Variants in TMEM123 observed in about 807,000 individuals in gnomAD.
TMEM123 encodes the protein transmembrane protein 123.
A neutral mutation model predicts 19.7 loss-of-function variants in TMEM123; 16 were observed. That is an observed-to-expected ratio of 0.81 (90% CI 0.55 to 1.23). The LOEUF is 1.23. Among genes scored for constraint, TMEM123 ranks in the 50% most tolerant of loss-of-function variants. The probability of loss-of-function intolerance (pLI) is 0.00; values close to 1 mark genes in which losing one functional copy is unlikely to be tolerated. For synonymous variants in TMEM123, 118 were observed against 99.4 expected, an observed-to-expected ratio of 1.19 and a Z score of -1.12; for missense variants, 313 against 257.8, an observed-to-expected ratio of 1.21 and a Z score of -1.47.
At chr11:102,404,427 G>A (rs1334115975) in intron 2 of TMEM123, among the ~76,000 whole-genome samples, 1 of 151,876 alleles carries the variant, frequency 6.6e-6, no homozygotes, top group East Asian at 1.9e-4. Context: ...GGGATTACAG[G>A]CACATGCCAC....
At chr11:102,419,988 C>A (rs562795716) in intron 2 of TMEM123, among the ~76,000 whole-genome samples, 1 of 152,308 alleles carries the variant, frequency 6.6e-6, no homozygotes, top group South Asian at 2.1e-4. Flanking sequence ...CAGTTACATG[C>A]TGAGGCCAAA....
intron 2 of TMEM123, among the ~76,000 whole-genome samples, chr11:102,410,190 A>C (rs1250853692): frequency 7.2e-5 from 11 of 152,210 alleles, no homozygotes; most frequent in Admixed American, 6.5e-4. Flanking sequence ...CAATAAATGA[A>C]AGAGGCACTT....
chr11:102,419,204 T>C (rs1952064254), intron 2 of TMEM123, among the ~76,000 whole-genome samples: 1 of 152,236 alleles, frequency 6.6e-6, no homozygotes, highest in East Asian at 1.9e-4. Context: ...TTATGGCTTT[T>C]CATGTTTACT....
intron 2 of TMEM123, among the ~76,000 whole-genome samples, chr11:102,431,161 T>C (rs1020388646): frequency 6.6e-6 from 1 of 152,102 alleles, no homozygotes; most frequent in South Asian, 2.1e-4. Context: ...AAATAGTCGG[T>C]GGGATACTTA....
chr11:102,422,639 A>AT lies in TMEM123; in HGVS notation c.158-20434dup, dbSNP rs534174150. ...TTATCATTCTCACACATTTCTCTTT[A>AT]TTTTTACTTCACACCAATCTATTTC... On this transcript the variant is annotated intron_variant, in intron 2 of 4. Transcript: ENST00000398136. Among the ~76,000 whole-genome samples the AT allele has an allele frequency of 2.8e-3, 422 of 152,208 alleles. 3 individuals carry two copies. The highest frequency in any genetic ancestry group is 9.8e-3 in the African/African-American group (405 of 41,532).
At chr11:102,435,669 C>A (rs145007670) in intron 2 of TMEM123, among the ~76,000 whole-genome samples, 1 of 151,860 alleles carries the variant, frequency 6.6e-6, no homozygotes, top group South Asian at 2.1e-4. Flanking sequence ...AAAGGTGGAA[C>A]CAACTCCAAT....
In TMEM123 at chr11:102,396,664, T is replaced by TGC. The variant is rs1951858633; in HGVS notation, c.*2202_*2203insGC. 1 of 152,142 alleles carries TGC rather than the reference T, an allele frequency of 6.6e-6. No homozygotes were observed. Among genetic ancestry groups the TGC allele is most frequent in the African/African-American group, 2.4e-5 (1 of 41,430 alleles). 9.4% of individuals were successfully genotyped at this position (152,142 alleles called of 1,614,324 possible). ...AAATATGGTCCAAAGCAAAATATTT[T>TGC]TTTGCATAACCATTTCCCTCAATTT... On this transcript the variant is annotated 3_prime_UTR_variant, in exon 5 of 5. Transcript: ENST00000398136.
chr11:102,409,897 C>G (rs77836962), intron 2 of TMEM123, among the ~76,000 whole-genome samples: 1 of 124,894 alleles, frequency 8.0e-6, no homozygotes, highest in Non-Finnish European at 1.7e-5. Context: ...AATCTAGATT[C>G]AAAAAAAAAA....
At chr11:102,427,401 A>AAGAGAAGGCAGAAGTGGG (rs1320569582) in intron 2 of TMEM123, among the ~76,000 whole-genome samples, 75 of 151,824 alleles carry the variant, frequency 4.9e-4, no homozygotes, top group Non-Finnish European at 9.6e-4. Context: ...GCAGAAGTGG[A>AAGAGAAGGCAGAAGTGGG]AGAGAAGGCA....
intron 2 of TMEM123, among the ~76,000 whole-genome samples, chr11:102,411,013 T>C (rs1306370933): frequency 2.0e-5 from 3 of 152,182 alleles, no homozygotes; most frequent in Non-Finnish European, 2.9e-5. Context: ...ACAGAGTTTC[T>C]AAAATCCCTT....
At chr11:102,404,512 G>A (rs1418568876) in intron 2 of TMEM123, among the ~76,000 whole-genome samples, 7 of 152,094 alleles carry the variant, frequency 4.6e-5, no homozygotes, top group African/African-American at 1.7e-4. Flanking sequence ...TCAAACTCCT[G>A]ACATCAGGTG....
At chr11:102,451,260 C>G (rs1411268258) in intron 1 of TMEM123, 1 of 152,184 alleles carries the variant, frequency 6.6e-6, no homozygotes, top group African/African-American at 2.4e-5. Flanking sequence ...AACACAGCAA[C>G]AAATTTTTAA....
intron 2 of TMEM123, among the ~76,000 whole-genome samples, chr11:102,430,025 T>A (rs1178157422): frequency 6.6e-6 from 1 of 152,172 alleles, no homozygotes; most frequent in Non-Finnish European, 1.5e-5. Context: ...TCTTCCAAAT[T>A]GCTCTGTCCA....
chr11:102,408,757 C>A (rs546334967), intron 2 of TMEM123, among the ~76,000 whole-genome samples: 1 of 152,280 alleles, frequency 6.6e-6, no homozygotes, highest in East Asian at 1.9e-4. Context: ...AACTACCATC[C>A]GAGTAACATC....
chr11:102,420,076 C>T (rs548339762), intron 2 of TMEM123, among the ~76,000 whole-genome samples: 1 of 152,260 alleles, frequency 6.6e-6, no homozygotes, highest in African/African-American at 2.4e-5. Context: ...TATGCACAAA[C>T]ATGAATTATA....
chr11:102,425,098 T>C (rs1952115361), intron 2 of TMEM123, among the ~76,000 whole-genome samples: 2 of 152,350 alleles, frequency 1.3e-5, no homozygotes, highest in Middle Eastern at 3.4e-3. Context: ...AATCAAATAC[T>C]TGTGATCTCC....
chr11:102,412,153 G>A (rs1244285159), intron 2 of TMEM123, among the ~76,000 whole-genome samples: 2 of 152,210 alleles, frequency 1.3e-5, no homozygotes, highest in African/African-American at 2.4e-5. Flanking sequence ...ATAGAGGCCA[G>A]GCACGGTGGC....
chr11:102,403,265 T>C (rs533810441), intron 2 of TMEM123, among the ~76,000 whole-genome samples: 41 of 152,306 alleles, frequency 2.7e-4, no homozygotes, highest in Non-Finnish European at 5.3e-4. Flanking sequence ...TCGCCTCAGC[T>C]TCCCCAAGTG....
At chr11:102,448,305 G>C in intron 2 of TMEM123, 1 of 456,150 alleles carries the variant, frequency 2.2e-6, no homozygotes, top group Non-Finnish European at 4.4e-6. Context: ...AGTGAACTCA[G>C]AGGCCCAAGG....
Sources: gnomAD v4.1 joint callset for allele counts (sites outside exome capture counted in the v4.1 genomes callset) on GRCh38, gnomAD v4.1.1 for gene constraint, MANE v1.5 for transcripts, NCBI Gene and HGNC (gene_info 2026-07-23, HGNC 2026-07-21) for gene names.